SLC25A48: variants seen among roughly 807,000 people sequenced by gnomAD.
SLC25A48 encodes the protein CTC-321K16.1.
Under a neutral mutation model 32.2 loss-of-function variants are expected in SLC25A48, and 29 were observed. The ratio of observed to expected loss-of-function variants is 0.90; its 90% CI spans 0.67 to 1.23. The LOEUF (loss-of-function observed/expected upper bound fraction) is 1.23. Among genes scored for constraint, SLC25A48 ranks in the 50% most tolerant of loss-of-function variants. SLC25A48 has a pLI of 0.00. For missense variants in SLC25A48, 399 were observed against 422.7 expected (o/e 0.94, Z 0.49); for synonymous variants, 164 against 172.3 (o/e 0.95, Z 0.38).
At chr5:135,591,383 C>A (rs988062618) in intron 1 of SLC25A48, among the ~76,000 whole-genome samples, 1 of 152,136 alleles carries the variant, frequency 6.6e-6, no homozygotes, top group Non-Finnish European at 1.5e-5. Flanking sequence ...CTTGGATGTT[C>A]GGGGGATGGT....
chr5:135,758,264 A>G (rs569986896), intron 3 of SLC25A48, among the ~76,000 whole-genome samples: 6 of 150,970 alleles, frequency 4.0e-5, no homozygotes, highest in Admixed American at 4.0e-4. Context: ...TGTTTTTAAC[A>G]CATGATATTA....
At chr5:135,798,638 A>G (rs1290513684) in intron 3 of SLC25A48, among the ~76,000 whole-genome samples, 1 of 151,612 alleles carries the variant, frequency 6.6e-6, no homozygotes, top group Non-Finnish European at 1.5e-5. Context: ...CCCTGCTGTG[A>G]TAGATTTCCT....
chr5:135,748,806 C>A (rs930875588), intron 3 of SLC25A48, among the ~76,000 whole-genome samples: 1 of 151,738 alleles, frequency 6.6e-6, no homozygotes. Flanking sequence ...GCAACCTCCG[C>A]CTCCCAGGTT....
At chr5:135,864,382 G>T (rs967444826) in intron 4 of SLC25A48, among the ~76,000 whole-genome samples, 2 of 152,202 alleles carry the variant, frequency 1.3e-5, no homozygotes, top group Non-Finnish European at 2.9e-5. Context: ...AGGAACAGCA[G>T]ATTTTCCAAG....
intron 3 of SLC25A48, among the ~76,000 whole-genome samples, chr5:135,751,617 C>T (rs115318192): frequency 0.043 from 6,538 of 151,972 alleles, 286 homozygotes; most frequent in African/African-American, 0.11. Context: ...GAGGATTGCT[C>T]GAGGCCAGGA....
At chr5:135,604,228 G>C (rs1328785682) in intron 1 of SLC25A48, among the ~76,000 whole-genome samples, 2 of 152,162 alleles carry the variant, frequency 1.3e-5, no homozygotes, top group African/African-American at 2.4e-5. Flanking sequence ...GGCACAGGTA[G>C]ATAATTAACT....
intron 3 of SLC25A48, among the ~76,000 whole-genome samples, chr5:135,787,199 G>A (rs1227569414): frequency 6.6e-6 from 1 of 151,874 alleles, no homozygotes; most frequent in African/African-American, 2.4e-5. Context: ...AATCACAGTG[G>A]GTGTACAACA....
intron 4 of SLC25A48, among the ~76,000 whole-genome samples, chr5:135,860,029 GTTGACCTCTCATT>G (rs879393269): frequency 6.6e-6 from 1 of 152,102 alleles, no homozygotes; most frequent in Non-Finnish European, 1.5e-5. Context: ...CCTCTAGCCT[GTTGACCTCTCATT>G]ACTTTTAGGG....
At chr5:135,834,312 G>A (rs1003248603), upstream of SLC25A48, among the ~76,000 whole-genome samples, 1 of 152,206 alleles carries the variant, frequency 6.6e-6, no homozygotes, top group African/African-American at 2.4e-5. Flanking sequence ...CTCTAGGCAC[G>A]GGGTACTGAG....
chr5:135,601,459 T>A (rs1474064701), intron 1 of SLC25A48, among the ~76,000 whole-genome samples: 1 of 152,200 alleles, frequency 6.6e-6, no homozygotes, highest in Non-Finnish European at 1.5e-5. Context: ...GGAAATATTC[T>A]TGTATCCTTG....
chr5:135,845,989 C>T (rs1759382745), intron 2 of SLC25A48, among the ~76,000 whole-genome samples: 1 of 152,208 alleles, frequency 6.6e-6, no homozygotes, highest in Non-Finnish European at 1.5e-5. Flanking sequence ...TATACCGTAC[C>T]AGTACCAGCC....
intron 1 of SLC25A48, among the ~76,000 whole-genome samples, chr5:135,612,641 A>T (rs1752100507): frequency 6.6e-6 from 1 of 152,112 alleles, no homozygotes. Flanking sequence ...ACAATGTGAA[A>T]TTTGTCTTTC....
intron 3 of SLC25A48, among the ~76,000 whole-genome samples, chr5:135,712,602 TG>T (rs1262770925): frequency 1.3e-5 from 2 of 152,242 alleles, no homozygotes; most frequent in African/African-American, 4.8e-5. Context: ...AGGATACTTC[TG>T]GCTTATGCCT....
chr5:135,606,929 A>G (rs899485851), intron 1 of SLC25A48, among the ~76,000 whole-genome samples: 1 of 152,188 alleles, frequency 6.6e-6, no homozygotes, highest in Non-Finnish European at 1.5e-5. Flanking sequence ...TTCCTTGCTG[A>G]CGAAACCCCT....
At chr5:135,820,796 A>C (rs1436029346) in intron 4 of SLC25A48, among the ~76,000 whole-genome samples, 1 of 152,190 alleles carries the variant, frequency 6.6e-6, no homozygotes, top group African/African-American at 2.4e-5. Context: ...ACAACAACTA[A>C]ATTTGACATA....
chr5:135,618,837 A>C (rs977777104), intron 1 of SLC25A48, among the ~76,000 whole-genome samples: 4 of 150,732 alleles, frequency 2.7e-5, no homozygotes, highest in Admixed American at 6.6e-5. Context: ...CCTGGCCTGT[A>C]AGGTTTCTTC....
At position 135,623,903 on chromosome 5, in the gene SLC25A48, T is replaced by TC. The variant is rs1752383001; in HGVS notation, c.-848-5328dup. ...GCTGCTGCTGTTGCTATGGCCTCTGTCCCCCCGGGTACCTCATGAGGAATG... is the reference window on the plus strand; with the variant it reads ...GCTGCTGCTGTTGCTATGGCCTCTGTCCCCCCCGGGTACCTCATGAGGAATG... On this transcript the variant is annotated intron_variant, in intron 1 of 10. Transcript: ENST00000646290. 3.9e-5 allele frequency among the ~76,000 whole-genome samples: 6 copies of TC among 152,098 alleles called. No homozygotes were observed. In the South Asian group the frequency reaches 1.0e-3, roughly 26 times the overall value.
At chr5:135,641,007 C>T (rs920992529) in intron 3 of SLC25A48, among the ~76,000 whole-genome samples, 5 of 151,932 alleles carry the variant, frequency 3.3e-5, no homozygotes, top group Non-Finnish European at 5.9e-5. Flanking sequence ...TGAAATGGAG[C>T]AAGAAGAAAT....
At chr5:135,657,533 C>T (rs1753282826) in intron 3 of SLC25A48, among the ~76,000 whole-genome samples, 1 of 152,204 alleles carries the variant, frequency 6.6e-6, no homozygotes, top group South Asian at 2.1e-4. Flanking sequence ...TGCTTTTTGG[C>T]AGTGATCAGA....
Sources: gnomAD v4.1 joint callset for allele counts (sites outside exome capture counted in the v4.1 genomes callset) on GRCh38, gnomAD v4.1.1 for gene constraint, MANE v1.5 for transcripts, NCBI Gene and HGNC (gene_info 2026-07-23, HGNC 2026-07-21) for gene names.